The following PTPRD variants were observed in gnomAD, a reference collection of about 807,000 sequenced individuals.
PTPRD encodes receptor-type tyrosine-protein phosphatase delta.
Under a neutral mutation model 214.5 loss-of-function variants are expected in PTPRD, and 34 were observed. The ratio of observed to expected loss-of-function variants is 0.16; its 90% CI spans 0.12 to 0.21. The LOEUF (loss-of-function observed/expected upper bound fraction) is 0.21, where lower values mean the gene tolerates loss of function less well. PTPRD is among the 10% of genes least tolerant of loss of function. The pLI, the probability that PTPRD is intolerant of heterozygous loss-of-function variation, is 1.00. For synonymous variants in PTPRD, 1,128 were observed against 845.7 expected, an observed-to-expected ratio of 1.33 and a Z score of -5.79; for missense variants, 2,545 against 2,398.7, an observed-to-expected ratio of 1.06 and a Z score of -1.27.
intron 5 of PTPRD, among the ~76,000 whole-genome samples, chr9:9,887,224 T>G (rs868765112): frequency 6.6e-6 from 1 of 152,236 alleles, no homozygotes; most frequent in South Asian, 2.1e-4. Flanking sequence ...GTTTGTTCAC[T>G]TCACCGTATT....
At chr9:10,177,606 T>A (rs887907282) in intron 3 of PTPRD, among the ~76,000 whole-genome samples, 1 of 151,810 alleles carries the variant, frequency 6.6e-6, no homozygotes, top group Non-Finnish European at 1.5e-5. Context: ...TGAACTATGA[T>A]AGGGGCTCAA....
Position 8,549,990 on chromosome 9 carries a change from T to G in PTPRD, c.353-21211A>C, listed in dbSNP as rs191621531. On this transcript the variant is annotated intron_variant, in intron 14 of 45. Transcript: ENST00000381196. ...TTAAAATTAATGTAGGAGTGCAACA[T>G]TAAGACAAACATCACTGATTAACTT... Among the ~76,000 whole-genome samples the G allele has an allele frequency of 2.9e-4, 44 of 152,188 alleles. 1 individual carries two copies. The highest frequency in any genetic ancestry group is 9.9e-4 in the African/African-American group (41 of 41,528).
chr9:10,052,960 C>A (rs673447), intron 3 of PTPRD, among the ~76,000 whole-genome samples: 57,264 of 151,876 alleles, frequency 0.38, 11,068 homozygotes, highest in Middle Eastern at 0.47. Context: ...TTCAATAATT[C>A]TTTACATGTA....
At chr9:8,334,118 T>G (rs7850069) in intron 43 of PTPRD, among the ~76,000 whole-genome samples, 18 of 151,696 alleles carry the variant, frequency 1.2e-4, no homozygotes, top group African/African-American at 4.1e-4. Flanking sequence ...CTGTCAATAT[T>G]AGATCAATGA....
intron 11 of PTPRD, among the ~76,000 whole-genome samples, chr9:8,969,846 T>C (rs964705767): frequency 6.6e-6 from 1 of 152,010 alleles, no homozygotes; most frequent in African/African-American, 2.4e-5. Context: ...AGACTTTTTA[T>C]AGAGTTTACA....
Position 8,776,922 on chromosome 9 carries a change from TA to T in PTPRD, c.-103-42977del, listed in dbSNP as rs2095506892. On this transcript the variant is annotated intron_variant, in intron 11 of 45. Coordinates refer to ENST00000381196, the MANE Select transcript of PTPRD (RefSeq NM_002839.4). The stretch of plus-strand genomic sequence containing the variant: ...ATACATATGTATAATATATGTATAA[TA>T]TATAAATATGATGTAATACATATGT... 6.7e-4 allele frequency among the ~76,000 whole-genome samples: 99 copies of T among 147,454 alleles called. 5 individuals are homozygous for T.
intron 3 of PTPRD, among the ~76,000 whole-genome samples, chr9:10,280,643 A>T (rs964664524): frequency 3.3e-5 from 5 of 152,154 alleles, no homozygotes; most frequent in African/African-American, 1.2e-4. Flanking sequence ...TTACTCTGTC[A>T]CATAGGCTGG....
chr9:9,639,540 T>C (rs2095871086), intron 7 of PTPRD, among the ~76,000 whole-genome samples: 1 of 152,220 alleles, frequency 6.6e-6, no homozygotes, highest in Admixed American at 6.5e-5. Flanking sequence ...CTAGGCAAAA[T>C]TGTTCAGCTA....
At chr9:10,567,956 T>C (rs1391899098) in intron 2 of PTPRD, among the ~76,000 whole-genome samples, 1 of 151,626 alleles carries the variant, frequency 6.6e-6, no homozygotes, top group African/African-American at 2.4e-5. Flanking sequence ...TATTTATTTG[T>C]TATTTTTTAA....
At chr9:8,616,214 T>C (rs553993392) in intron 14 of PTPRD, among the ~76,000 whole-genome samples, 250 of 152,170 alleles carry the variant, frequency 1.6e-3, no homozygotes, top group African/African-American at 5.0e-3. Context: ...TACAAATCAA[T>C]TGAAGTGCAA....
intron 7 of PTPRD, among the ~76,000 whole-genome samples, chr9:9,659,361 T>A (rs1318647299): frequency 1.3e-5 from 2 of 152,190 alleles, no homozygotes; most frequent in South Asian, 2.1e-4. Flanking sequence ...AACAAATAAA[T>A]GTTTCAATGT....
At chr9:9,346,948 C>T (rs1209765593) in intron 9 of PTPRD, among the ~76,000 whole-genome samples, 1 of 152,106 alleles carries the variant, frequency 6.6e-6, no homozygotes, top group Admixed American at 6.6e-5. Context: ...CCACCTCGGC[C>T]TTCTAAAGTG....
chr9:10,036,898 T>G (rs200083634), intron 3 of PTPRD, among the ~76,000 whole-genome samples: 3 of 79,426 alleles, frequency 3.8e-5, no homozygotes, highest in Non-Finnish European at 4.8e-5. Flanking sequence ...ATTTATTTAT[T>G]TATTTAGATA....
At chr9:10,168,082 T>C (rs529748061) in intron 3 of PTPRD, among the ~76,000 whole-genome samples, 2 of 152,328 alleles carry the variant, frequency 1.3e-5, no homozygotes, top group South Asian at 2.1e-4. Flanking sequence ...TTTAAGACTG[T>C]GTAGAACATC....
At chr9:9,721,008 G>A (rs184864507) in intron 7 of PTPRD, among the ~76,000 whole-genome samples, 22 of 151,982 alleles carry the variant, frequency 1.4e-4, no homozygotes, top group Admixed American at 5.9e-4. Context: ...GGAGCAAGAA[G>A]GGTACAAAAA....
intron 11 of PTPRD, among the ~76,000 whole-genome samples, chr9:8,753,172 C>T (rs1438969469): frequency 2.6e-5 from 4 of 151,996 alleles, no homozygotes; most frequent in African/African-American, 7.3e-5. Flanking sequence ...GCCTCTTGGC[C>T]CCTTTTTCCG....
chr9:9,528,874 T>C (rs1347099792), intron 8 of PTPRD, among the ~76,000 whole-genome samples: 2 of 151,562 alleles, frequency 1.3e-5, no homozygotes, highest in African/African-American at 2.4e-5. Flanking sequence ...ATAAAATTTA[T>C]ACAATAAAAT....
chr9:9,005,021 C>T (rs2154357846), intron 11 of PTPRD, among the ~76,000 whole-genome samples: 1 of 152,208 alleles, frequency 6.6e-6, no homozygotes, highest in African/African-American at 2.4e-5. Context: ...CTGGAACCAG[C>T]CATTCCTTCA....
At chr9:9,321,326 C>T (rs1966371716) in intron 9 of PTPRD, among the ~76,000 whole-genome samples, 1 of 152,042 alleles carries the variant, frequency 6.6e-6, no homozygotes, top group Admixed American at 6.6e-5. Context: ...GAGGCCGAGG[C>T]GGGTGGATCA....
Sources: gnomAD v4.1 joint callset for allele counts (sites outside exome capture counted in the v4.1 genomes callset) on GRCh38, gnomAD v4.1.1 for gene constraint, MANE v1.5 for transcripts, NCBI Gene and HGNC (gene_info 2026-07-23, HGNC 2026-07-21) for gene names.